The following EVC variants were observed in gnomAD, a reference collection of about 807,000 sequenced individuals.
The protein encoded by EVC is EvC ciliary complex subunit 1, also known as evC complex member EVC.
In EVC, 116 loss-of-function variants were observed where a neutral mutation model predicts 118.9. That is an observed-to-expected ratio of 0.98 (90% CI 0.84 to 1.14). EVC has a LOEUF of 1.14. Ranked by LOEUF, EVC falls within the 50% of genes most tolerant of loss-of-function variation. The pLI is 0.00. For synonymous variants in EVC, 619 were observed against 534.7 expected (o/e 1.16, Z -2.18); for missense variants, 1,401 against 1,246.4 (o/e 1.12, Z -1.87).
rs1330656722 is a variant in EVC, at chr4:5,742,548, C to T, written c.801+734C>T. Among the ~76,000 whole-genome samples, 2 of 152,140 alleles carry T rather than the reference C, an allele frequency of 1.3e-5. No individual in the cohort carries two copies. The highest frequency in any genetic ancestry group is 1.9e-4 in the East Asian group (1 of 5,192). ...TAAACACCATCATCTTTGCTATTGTCACCACTGACATCATCATTCTTTGTC... is the reference window on the plus strand; with the variant it reads ...TAAACACCATCATCTTTGCTATTGTTACCACTGACATCATCATTCTTTGTC... On this transcript the variant is annotated intron_variant, in intron 6 of 20. Transcript: ENST00000264956. This position sits in a 1 kb window ranked among gnomAD's most constrained non-coding sequence, Gnocchi z 5.2.
rs931034090 is a variant in EVC, at chr4:5,742,542, T to C, written c.801+728T>C. 3.9e-5 allele frequency among the ~76,000 whole-genome samples: 6 copies of C among 152,172 alleles called. No homozygotes were observed. The highest frequency in any genetic ancestry group is 8.8e-5 in the Non-Finnish European group (6 of 68,028). ...TCACCATAAACACCATCATCTTTGCTATTGTCACCACTGACATCATCATTC... is the reference window on the plus strand; with the variant it reads ...TCACCATAAACACCATCATCTTTGCCATTGTCACCACTGACATCATCATTC... On this transcript the variant is annotated intron_variant, in intron 6 of 20. Transcript: ENST00000264956. This position sits in a 1 kb window ranked among gnomAD's most constrained non-coding sequence, Gnocchi z 5.2.
rs116379982 is a variant in EVC at position 5,737,203 on chromosome 4, C to A, written c.702+3768C>A. Among the ~76,000 whole-genome samples, 304 of 152,312 alleles carry A rather than the reference C, an allele frequency of 2.0e-3. 1 individual carries two copies. Among genetic ancestry groups the A allele is most frequent in the African/African-American group, 6.8e-3 (283 of 41,570 alleles). On this transcript the variant is annotated intron_variant, in intron 5 of 20. Coordinates refer to ENST00000264956, the MANE Select transcript of EVC (RefSeq NM_153717.3). The surrounding 1 kb of genome is among the most constrained non-coding windows in gnomAD (Gnocchi z 5.0). ...TAATCCAGAGCAATACTCTAACTCTCTTCAATTCTGTGAGTGCTGAGAGAG... is the reference window on the plus strand; with the variant it reads ...TAATCCAGAGCAATACTCTAACTCTATTCAATTCTGTGAGTGCTGAGAGAG...
Position 5,798,786 on chromosome 4 carries a change from C to T in EVC, c.2298C>T (p.Asp766=), listed in dbSNP as rs140546984. Residue 766 remains aspartate, a synonymous_variant, in exon 15 of 21, where the codon GAC becomes GAT. Transcript: ENST00000264956. The surrounding 1 kb of genome is among the most constrained non-coding windows in gnomAD (Gnocchi z 4.1). The part of the protein sequence containing the change: ...ATKSRAKDRD[D]FKRTLMEAAV... ...AGAGCCGGGCCAAGGACAGGGATGACTTCAAGGTATGCACTGACCTCTGTC... is the reference window on the plus strand; with the variant it reads ...AGAGCCGGGCCAAGGACAGGGATGATTTCAAGGTATGCACTGACCTCTGTC... 172 of 1,610,764 alleles carry T rather than the reference C, an allele frequency of 1.1e-4. No homozygotes were observed. The Middle Eastern group carries it at 2.0e-3, about 19-fold the overall frequency.
At chr4:5,758,152 C>T (rs768323917) in intron 11 of EVC, 9 of 701,506 alleles carry the variant, frequency 1.3e-5, no homozygotes, top group Non-Finnish European at 2.3e-5. Context: ...TGGAGTGATG[C>T]AGCCACAAGC....
chr4:5,722,732 T>C (rs972435015), intron 2 of EVC, among the ~76,000 whole-genome samples: 1 of 152,210 alleles, frequency 6.6e-6, no homozygotes, highest in African/African-American at 2.4e-5. Flanking sequence ...TTTATATTGG[T>C]GATGGAAATG....
Position 5,743,253 on chromosome 4 carries a change from C to A in EVC, c.801+1439C>A, listed in dbSNP as rs922311278. On this transcript the variant is annotated intron_variant, in intron 6 of 20. Transcript: ENST00000264956. This position sits in a 1 kb window ranked among gnomAD's most constrained non-coding sequence, Gnocchi z 4.7. ...TTTCTTCACTTTATCCTGTCTGGAC[C>A]AGATCCCATTTTGATCAGCAGGGTT... Among the ~76,000 whole-genome samples, 1 of 152,096 alleles carries A rather than the reference C, an allele frequency of 6.6e-6. No individual in the cohort carries two copies. The highest frequency in any genetic ancestry group is 2.4e-5 in the African/African-American group (1 of 41,414).
chr4:5,821,296 G>C, the EVC span: 1 of 158,354 alleles, frequency 6.3e-6, no homozygotes, highest in East Asian at 1.8e-4. This position sits in a 1 kb window ranked among gnomAD's most constrained non-coding sequence, Gnocchi z 4.4. Context: ...CTGCCCCTCA[G>C]GGCTTGAGGT....
intron 11 of EVC, among the ~76,000 whole-genome samples, chr4:5,763,388 T>C (rs947098736): frequency 1.3e-5 from 2 of 148,314 alleles, no homozygotes; most frequent in African/African-American, 2.5e-5. Flanking sequence ...ATGTGGGCTC[T>C]TTTCTGGTTC....
chr4:5,733,689 C>G (rs1727217324), intron 5 of EVC, among the ~76,000 whole-genome samples: 1 of 152,164 alleles, frequency 6.6e-6, no homozygotes, highest in Non-Finnish European at 1.5e-5. Context: ...AGTGCCTCCT[C>G]CCGGGCTACA....
intron 11 of EVC, among the ~76,000 whole-genome samples, chr4:5,768,869 A>G (rs1186896026): frequency 6.6e-6 from 1 of 151,994 alleles, no homozygotes; most frequent in Non-Finnish European, 1.5e-5. Context: ...AAAAAAAAGA[A>G]ATATTCTCAT....
chr4:5,759,605 G>A lies in EVC; in HGVS notation c.1563+3243G>A, dbSNP rs537490242. On this transcript the variant is annotated intron_variant, in intron 11 of 20. Coordinates refer to ENST00000264956, the MANE Select transcript of EVC (RefSeq NM_153717.3). ...TAAAGCAGTTCTCAAACCTTGCTGT[G>A]CATCAGAATGTCATCAAGATTAAGG... 2.6e-5 allele frequency among the ~76,000 whole-genome samples: 4 copies of A among 152,292 alleles called. 1 individual carries two copies. The highest frequency in any genetic ancestry group is 9.6e-5 in the African/African-American group (4 of 41,558).
chr4:5,777,082 G>A (rs1734820179), intron 11 of EVC, among the ~76,000 whole-genome samples: 3 of 152,010 alleles, frequency 2.0e-5, no homozygotes, highest in Admixed American at 2.0e-4. Context: ...TCATGTGTCT[G>A]TTTATATTTT....
intron 1 of EVC, among the ~76,000 whole-genome samples, chr4:5,717,237 GA>G (rs1169514548): frequency 6.6e-6 from 1 of 152,056 alleles, no homozygotes; most frequent in African/African-American, 2.4e-5. Flanking sequence ...CAATTTTGAA[GA>G]GTCATTTTTT....
intron 2 of EVC, among the ~76,000 whole-genome samples, chr4:5,720,776 G>C (rs887184953): frequency 5.3e-5 from 8 of 152,226 alleles, no homozygotes; most frequent in African/African-American, 1.7e-4. Context: ...TCTGGAACAA[G>C]CAGATGTTTA....
rs886038740 is a variant in EVC, at chr4:5,753,953, T to A, written c.1464+20T>A. The A allele has an allele frequency of 4.3e-6, 7 of 1,612,242 alleles. No individual in the cohort carries two copies. The highest frequency in any genetic ancestry group is 5.9e-6 in the Non-Finnish European group (7 of 1,179,968). On this transcript the variant is annotated intron_variant, in intron 10 of 20. Transcript: ENST00000264956. ...CTCGAGGTGACTCACATCCCCAGCCTCTGCACATGTGGGTGAGCCAGTTGT... is the reference window on the plus strand; with the variant it reads ...CTCGAGGTGACTCACATCCCCAGCCACTGCACATGTGGGTGAGCCAGTTGT...
rs1728787923 is a variant in EVC, at chr4:5,742,648, A to G, written c.801+834A>G. ...TCACCATCCTCATGTCCTCATTACC[A>G]TCATCATGAGCATCATTTTTATCAT... On this transcript the variant is annotated intron_variant, in intron 6 of 20. Coordinates refer to ENST00000264956, the MANE Select transcript of EVC (RefSeq NM_153717.3). This position sits in a 1 kb window ranked among gnomAD's most constrained non-coding sequence, Gnocchi z 5.2. Among the ~76,000 whole-genome samples, 1 of 152,092 alleles carries G rather than the reference A, an allele frequency of 6.6e-6. No individual in the cohort carries two copies. Among genetic ancestry groups the G allele is most frequent in the African/African-American group, 2.4e-5 (1 of 41,404 alleles).
intron 1 of EVC, among the ~76,000 whole-genome samples, chr4:5,713,820 T>A (rs1343209821): frequency 6.6e-6 from 1 of 152,124 alleles, no homozygotes; most frequent in Non-Finnish European, 1.5e-5. Flanking sequence ...AGAGAATCGC[T>A]TGAACCCAGG....
intron 16 of EVC, 74 bp from the exon 17 acceptor site, chr4:5,804,656 C>T: frequency 7.5e-7 from 1 of 1,339,164 alleles, no homozygotes; most frequent in Non-Finnish European, 1.1e-6. Context: ...CCCTGCACCC[C>T]AGCACCTGCC....
At chr4:5,758,362 C>T (rs1731509375) in intron 11 of EVC, 7 of 516,368 alleles carry the variant, frequency 1.4e-5, no homozygotes, top group Admixed American at 6.9e-5. Flanking sequence ...AAACGGAAGG[C>T]GATCTTTGTT....
Sources: gnomAD v4.1 joint callset for allele counts (sites outside exome capture counted in the v4.1 genomes callset) on GRCh38, gnomAD v4.1.1 for gene constraint, Gnocchi (gnomAD v3.1) non-coding constraint, MANE v1.5 for transcripts, NCBI Gene and HGNC (gene_info 2026-07-23, HGNC 2026-07-21) for gene names.